The following CAMTA1 variants were observed in gnomAD, a reference collection of about 807,000 sequenced individuals.
The protein encoded by CAMTA1 is calmodulin binding transcription activator 1, also known as calmodulin-binding transcription activator 1.
Under a neutral mutation model 170.9 loss-of-function variants are expected in CAMTA1, and 27 were observed. The ratio of observed to expected loss-of-function variants is 0.16; its 90% CI spans 0.12 to 0.22. The LOEUF is 0.22. CAMTA1 is among the 10% of genes least tolerant of loss of function. The pLI is 1.00. For missense variants in CAMTA1, 1,619 were observed against 2,217.2 expected (o/e 0.73, Z 5.42); for synonymous variants, 833 against 891.5 (o/e 0.93, Z 1.17).
At chr1:7,402,315 A>G (rs1335800259) in intron 5 of CAMTA1, among the ~76,000 whole-genome samples, 1 of 152,052 alleles carries the variant, frequency 6.6e-6, no homozygotes, top group Admixed American at 6.5e-5. Flanking sequence ...TACTCTCCCA[A>G]CCCAAAAGTA....
In CAMTA1 at chr1:7,327,425, AG is replaced by A. The variant is rs374963541; in HGVS notation, c.438+77800del. ...CCATCTCAAAAAAAAAAAAAAAAAA[AG>A]AAAAAAGACCAGGAGGAAAGAAATG... On this transcript the variant is annotated intron_variant, in intron 5 of 22. Coordinates refer to ENST00000303635, the MANE Select transcript of CAMTA1 (RefSeq NM_015215.4). 4.0e-3 allele frequency among the ~76,000 whole-genome samples: 580 copies of A among 144,664 alleles called. 9 individuals are homozygous for A. The highest frequency in any genetic ancestry group is 0.014 in the African/African-American group (551 of 38,490). The allele number at this position is 144,664 out of a possible 152,430, so 94.9% of individuals were successfully genotyped here. A position where few individuals can be genotyped will look rare whatever the true frequency, so the allele number is the denominator to read the frequency against.
intron 3 of CAMTA1, among the ~76,000 whole-genome samples, chr1:7,011,235 G>A (rs1008843462): frequency 3.3e-5 from 5 of 152,074 alleles, no homozygotes; most frequent in Non-Finnish European, 7.4e-5. Context: ...ACAGAGTCTC[G>A]CTCTTTTCGC....
intron 5 of CAMTA1, among the ~76,000 whole-genome samples, chr1:7,334,895 C>T (rs1012661546): frequency 2.6e-5 from 4 of 152,086 alleles, no homozygotes; most frequent in African/African-American, 9.7e-5. Context: ...ATCTGGAGTG[C>T]GGGAAAGCTC....
At chr1:7,090,355 C>T (rs139887950) in intron 3 of CAMTA1, among the ~76,000 whole-genome samples, 3,304 of 152,266 alleles carry the variant, frequency 0.022, 41 homozygotes, top group Middle Eastern at 0.024. Flanking sequence ...CTAGGAACCC[C>T]GGCTGCAGAG....
intron 6 of CAMTA1, among the ~76,000 whole-genome samples, chr1:7,536,640 G>A (rs895586586): frequency 2.2e-4 from 34 of 152,120 alleles, no homozygotes; most frequent in Admixed American, 2.1e-3. Context: ...CTGGGACACC[G>A]GCCCCTGGGT....
intron 1 of CAMTA1, among the ~76,000 whole-genome samples, chr1:6,812,232 A>G (rs747725328): frequency 8.5e-5 from 13 of 152,214 alleles, no homozygotes; most frequent in Non-Finnish European, 1.6e-4. Context: ...GAAATCACAC[A>G]GTAGTATGGG....
intron 5 of CAMTA1, among the ~76,000 whole-genome samples, chr1:7,449,477 G>A (rs188099299): frequency 6.6e-6 from 1 of 152,142 alleles, no homozygotes; most frequent in African/African-American, 2.4e-5. Context: ...TCACCTAGAA[G>A]ATAGGAATGA....
At chr1:7,586,496 G>A (rs2095311148) in intron 6 of CAMTA1, among the ~76,000 whole-genome samples, 1 of 152,102 alleles carries the variant, frequency 6.6e-6, no homozygotes, top group African/African-American at 2.4e-5. Flanking sequence ...CTGACACCTA[G>A]GCGTGACTTG....
At chr1:7,721,649 A>G (rs552398008) in intron 11 of CAMTA1, among the ~76,000 whole-genome samples, 1 of 152,302 alleles carries the variant, frequency 6.6e-6, no homozygotes, top group South Asian at 2.1e-4. Context: ...TTGGTAAAGA[A>G]CAGTCCATTC....
At chr1:7,109,575 A>G in intron 4 of CAMTA1, among the ~76,000 whole-genome samples, 1 of 152,130 alleles carries the variant, frequency 6.6e-6, no homozygotes, top group Non-Finnish European at 1.5e-5. Flanking sequence ...CCCTCCTAAC[A>G]CAGCTCTCGT....
chr1:6,815,210 C>CTT (rs942240343), intron 1 of CAMTA1, among the ~76,000 whole-genome samples: 4 of 144,880 alleles, frequency 2.8e-5, no homozygotes, highest in African/African-American at 7.5e-5. Context: ...TTGGGTATTT[C>CTT]TTTTTTTTTT....
rs1399507191 is a variant in CAMTA1 at position 6,785,747 on chromosome 1, G to T, written c.45+172G>T. ...CGGCGGGGTGGGGGGGCGGAGCGCG[G>T]CCGAGTCCTGAGGTGACTCGCGGGG... On this transcript the variant is annotated intron_variant, in intron 1 of 22. Transcript: ENST00000303635. Among the ~76,000 whole-genome samples, 6 of 131,446 alleles carry T rather than the reference G, an allele frequency of 4.6e-5. No individual in the cohort carries two copies. In the East Asian group the frequency reaches 1.5e-3, roughly 33 times the overall value. 86.2% of individuals were successfully genotyped at this position (131,446 alleles called of 152,430 possible). A position where few individuals can be genotyped will look rare whatever the true frequency, so the allele number is the denominator to read the frequency against.
intron 16 of CAMTA1, among the ~76,000 whole-genome samples, chr1:7,741,863 T>A (rs1233526657): frequency 2.0e-5 from 3 of 151,730 alleles, no homozygotes; most frequent in African/African-American, 4.8e-5. Context: ...GGTCTCGATC[T>A]CCTGACCTTG....
rs140547266 is a variant in CAMTA1, at chr1:7,292,683, A to G, written c.438+43057A>G. Among the ~76,000 whole-genome samples, 673 of 152,206 alleles carry G rather than the reference A, an allele frequency of 4.4e-3. 8 individuals carry two copies. The highest frequency in any genetic ancestry group is 0.024 in the Admixed American group (367 of 15,292). On this transcript the variant is annotated intron_variant, in intron 5 of 22. Coordinates refer to ENST00000303635, the MANE Select transcript of CAMTA1 (RefSeq NM_015215.4). ...AATTCCTCCTTTGAAAATTATCAAG[A>G]GCTGCTTAGTTTTTTCCCAGTTCCT...
intron 3 of CAMTA1, among the ~76,000 whole-genome samples, chr1:6,876,353 TTTAA>T (rs1325704299): frequency 1.3e-5 from 2 of 151,820 alleles, no homozygotes; most frequent in African/African-American, 4.8e-5. Flanking sequence ...TTCTTTATTT[TTTAA>T]TTAATTAATT....
chr1:7,395,162 C>T (rs1428821282), intron 5 of CAMTA1, among the ~76,000 whole-genome samples: 2 of 152,170 alleles, frequency 1.3e-5, no homozygotes, highest in Admixed American at 6.5e-5. Flanking sequence ...GGATTACAGG[C>T]GTGAGCCACC....
chr1:7,148,653 G>A (rs541383840), intron 4 of CAMTA1, among the ~76,000 whole-genome samples: 9 of 152,268 alleles, frequency 5.9e-5, no homozygotes, highest in Non-Finnish European at 1.2e-4. Flanking sequence ...CAGTCCAAGT[G>A]CCCAGGAGCC....
intron 6 of CAMTA1, among the ~76,000 whole-genome samples, chr1:7,499,605 A>T (rs560080601): frequency 7.8e-6 from 1 of 128,148 alleles, no homozygotes; most frequent in East Asian, 3.1e-4. Flanking sequence ...TATGTATATG[A>T]GTGTGTGTGT....
intron 6 of CAMTA1, among the ~76,000 whole-genome samples, chr1:7,521,472 G>A (rs1007430877): frequency 2.2e-4 from 33 of 152,084 alleles, no homozygotes; most frequent in African/African-American, 7.2e-4. Context: ...GTGTGTGTGT[G>A]TGTGTGTGTG....
Sources: gnomAD v4.1 joint callset for allele counts (sites outside exome capture counted in the v4.1 genomes callset) on GRCh38, gnomAD v4.1.1 for gene constraint, MANE v1.5 for transcripts, NCBI Gene and HGNC (gene_info 2026-07-23, HGNC 2026-07-21) for gene names.